DLGAP2: variants seen among roughly 807,000 people sequenced by gnomAD.
DLGAP2 encodes DLG associated protein 2, also known as disks large-associated protein 2.
In DLGAP2, 26 loss-of-function variants were observed where a neutral mutation model predicts 100.3. The observed-to-expected ratio is 0.26, with a 90% confidence interval of 0.19 to 0.36. The LOEUF (loss-of-function observed/expected upper bound fraction) is 0.36. Among genes scored for constraint, DLGAP2 ranks in the 10% least tolerant of loss-of-function variants. The pLI is 1.00. For missense variants in DLGAP2, 1,858 were observed against 1,453.2 expected (o/e 1.28, Z -4.53); for synonymous variants, 886 against 630.1 (o/e 1.41, Z -6.08).
At chr8:1,584,220 T>A (rs970887373) in intron 6 of DLGAP2, among the ~76,000 whole-genome samples, 8 of 152,184 alleles carry the variant, frequency 5.3e-5, no homozygotes, top group African/African-American at 1.9e-4. Flanking sequence ...ATAATCAACT[T>A]AATAAATGAA....
chr8:909,764 T>C lies in DLGAP2; in HGVS notation c.73+1798T>C, dbSNP rs1798448463. Among the ~76,000 whole-genome samples, 4 of 152,158 alleles carry C rather than the reference T, an allele frequency of 2.6e-5. No individual in the cohort carries two copies. In the South Asian group the frequency reaches 8.3e-4, roughly 32 times the overall value. ...GAGAAGAGAGAGGTGTTGGTTGAGA[T>C]TATAACTCTTAAAAGTGTAAGTCCA... On this transcript the variant is annotated intron_variant, in intron 2 of 14. Coordinates refer to ENST00000637795, the MANE Select transcript of DLGAP2 (RefSeq NM_001346810.2).
intron 4 of DLGAP2, among the ~76,000 whole-genome samples, chr8:1,524,551 C>T (rs983177708): frequency 3.6e-4 from 55 of 152,230 alleles, no homozygotes; most frequent in African/African-American, 1.3e-3. Context: ...TGCTGAGGCC[C>T]CTCTCCCTGG....
intron 1 of DLGAP2, among the ~76,000 whole-genome samples, chr8:788,818 G>A (rs575278259): frequency 1.3e-5 from 2 of 152,290 alleles, no homozygotes; most frequent in South Asian, 2.1e-4. Flanking sequence ...TTTATCGAAA[G>A]GTTAATGCAT....
At chr8:1,573,612 G>T (rs540398752) in intron 6 of DLGAP2, among the ~76,000 whole-genome samples, 5 of 130,406 alleles carry the variant, frequency 3.8e-5, no homozygotes, top group Non-Finnish European at 7.2e-5. Flanking sequence ...CGGGAAGTAT[G>T]CAGGAAACAT....
intron 2 of DLGAP2, among the ~76,000 whole-genome samples, chr8:1,007,513 C>G (rs1490162764): frequency 3.3e-5 from 5 of 152,160 alleles, no homozygotes; most frequent in African/African-American, 1.2e-4. Flanking sequence ...CTAACTAAAT[C>G]CTAGGGAGGC....
At chr8:801,339 A>G (rs937514312) in intron 1 of DLGAP2, among the ~76,000 whole-genome samples, 1 of 152,196 alleles carries the variant, frequency 6.6e-6, no homozygotes, top group African/African-American at 2.4e-5. Flanking sequence ...AGGGCCTTGG[A>G]TTCAGGTGTA....
chr8:1,448,872 C>T (rs906847715), intron 3 of DLGAP2, among the ~76,000 whole-genome samples: 1 of 152,166 alleles, frequency 6.6e-6, no homozygotes, highest in African/African-American at 2.4e-5. Context: ...TGATCCTGAC[C>T]CATAATAGCA....
At chr8:1,230,994 A>G (rs1366141806) in intron 2 of DLGAP2, among the ~76,000 whole-genome samples, 2 of 152,302 alleles carry the variant, frequency 1.3e-5, no homozygotes, top group East Asian at 1.9e-4. Context: ...CAACAAAAAC[A>G]TAAATTGACA....
chr8:1,411,611 C>T (rs189955788), intron 3 of DLGAP2, among the ~76,000 whole-genome samples: 208 of 152,328 alleles, frequency 1.4e-3, no homozygotes, highest in African/African-American at 4.9e-3. Context: ...TTGAGGGCCT[C>T]GTGCTCCTCC....
At chr8:1,335,966 C>A (rs1198377385) in intron 3 of DLGAP2, among the ~76,000 whole-genome samples, 1 of 152,206 alleles carries the variant, frequency 6.6e-6, no homozygotes, top group Non-Finnish European at 1.5e-5. Flanking sequence ...GCCCATAGAA[C>A]TGGGGCTTTG....
chr8:1,599,925 C>A (rs184918739), intron 6 of DLGAP2, among the ~76,000 whole-genome samples: 1 of 151,938 alleles, frequency 6.6e-6, no homozygotes, highest in Admixed American at 6.6e-5. Context: ...TGATGCTAGC[C>A]GGTTATTTTG....
In DLGAP2 at chr8:1,187,856, C is replaced by T. The variant is rs911755627; in HGVS notation, c.74-70995C>T. ...TTTCCCTCACGGAATCTCACACACC[C>T]GGGACCCCCGTGACGTTTGCCTCAC... On this transcript the variant is annotated intron_variant, in intron 2 of 14. Transcript: ENST00000637795. 7.4e-5 allele frequency among the ~76,000 whole-genome samples: 9 copies of T among 121,840 alleles called. No homozygotes were observed. In the East Asian group the frequency reaches 1.4e-3, roughly 19 times the overall value. 79.9% of individuals were successfully genotyped at this position (121,840 alleles called of 152,430 possible).
chr8:1,329,757 G>A (rs538450116), intron 3 of DLGAP2, among the ~76,000 whole-genome samples: 88 of 152,300 alleles, frequency 5.8e-4, no homozygotes, highest in African/African-American at 2.0e-3. Flanking sequence ...CATTAGCCCC[G>A]GCTGTACCTG....
chr8:751,420 G>A (rs112553740), intron 1 of DLGAP2, among the ~76,000 whole-genome samples: 2 of 152,178 alleles, frequency 1.3e-5, no homozygotes, highest in Non-Finnish European at 1.5e-5. Flanking sequence ...AGGAGGTGTC[G>A]CGCCATCTGT....
At chr8:1,582,740 C>A (rs977239969) in intron 6 of DLGAP2, among the ~76,000 whole-genome samples, 3 of 152,134 alleles carry the variant, frequency 2.0e-5, no homozygotes, top group African/African-American at 7.2e-5. Flanking sequence ...CAAGTGTGCA[C>A]CACCACACCC....
intron 3 of DLGAP2, chr8:1,368,599 G>T (rs1160695517): frequency 1.3e-5 from 2 of 152,178 alleles, no homozygotes; most frequent in African/African-American, 4.8e-5. Flanking sequence ...ATTAAAAATG[G>T]ATAAAGGCAA....
chr8:1,526,941 G>A (rs534318162), intron 4 of DLGAP2, among the ~76,000 whole-genome samples: 12 of 152,372 alleles, frequency 7.9e-5, no homozygotes, highest in South Asian at 6.2e-4. Flanking sequence ...CAAAGGAAAC[G>A]TGGTGTGGCC....
chr8:1,668,179 C>A, intron 8 of DLGAP2, 150 bp from the exon 9 acceptor site: 1 of 678,322 alleles, frequency 1.5e-6, no homozygotes, highest in Non-Finnish European at 2.5e-6. Context: ...TGCTGTCTCA[C>A]TGTCCCCTCA....
intron 1 of DLGAP2, among the ~76,000 whole-genome samples, chr8:809,031 C>G (rs1315518242): frequency 6.6e-6 from 1 of 151,830 alleles, no homozygotes; most frequent in Non-Finnish European, 1.5e-5. Flanking sequence ...CTCAGCCTCC[C>G]AAGTAGCTGA....
Sources: allele counts gnomAD v4.1 joint callset (sites outside exome capture counted in the v4.1 genomes callset), GRCh38; gene constraint gnomAD v4.1.1; transcripts MANE v1.5; gene names NCBI Gene and HGNC (gene_info 2026-07-23, HGNC 2026-07-21).